The following NCKAP5 variants were observed in gnomAD, a reference collection of about 807,000 sequenced individuals.
NCKAP5 encodes NCK associated protein 5.
In NCKAP5, 92 loss-of-function variants were observed where a neutral mutation model predicts 167.0. That is an observed-to-expected ratio of 0.55 (90% confidence interval 0.47 to 0.66). The LOEUF is 0.66. Among genes scored for constraint, NCKAP5 ranks in the 30% least tolerant of loss-of-function variants. The pLI is 0.00. For missense variants in NCKAP5, 2,378 were observed against 2,315.0 expected (o/e 1.03, Z -0.56); for synonymous variants, 891 against 877.4 (o/e 1.02, Z -0.27).
At chr2:132,686,269 G>C (rs1451977113) in intron 19 of NCKAP5, among the ~76,000 whole-genome samples, 1 of 152,196 alleles carries the variant, frequency 6.6e-6, no homozygotes, top group Non-Finnish European at 1.5e-5. Flanking sequence ...CAGAAAGGTG[G>C]TTAGGGTTTC....
intron 7 of NCKAP5, among the ~76,000 whole-genome samples, chr2:132,975,062 A>G (rs1412675181): frequency 2.0e-5 from 3 of 152,222 alleles, no homozygotes; most frequent in South Asian, 2.1e-4. Context: ...CCATAACAAC[A>G]TTCCCAGGGA....
At chr2:133,011,209 C>CCT (rs1023571033) in intron 6 of NCKAP5, among the ~76,000 whole-genome samples, 1 of 151,764 alleles carries the variant, frequency 6.6e-6, no homozygotes, top group African/African-American at 2.4e-5. Flanking sequence ...AGTTTTTCCC[C>CCT]CCATCTCACT....
At chr2:132,773,762 G>A (rs1490114209) in intron 16 of NCKAP5, 54 bp downstream of exon 16, 1 of 1,351,708 alleles carries the variant, frequency 7.4e-7, no homozygotes, top group Non-Finnish European at 1.0e-6. Context: ...TCTGGAAGAA[G>A]GATACATTTA....
intron 3 of NCKAP5, among the ~76,000 whole-genome samples, chr2:133,360,771 G>A (rs979796561): frequency 4.6e-5 from 7 of 151,982 alleles, no homozygotes; most frequent in Non-Finnish European, 8.8e-5. Flanking sequence ...AACAATGAAT[G>A]ATCATTTAGG....
intron 2 of NCKAP5, among the ~76,000 whole-genome samples, chr2:133,540,940 A>C (rs1686177487): frequency 6.6e-6 from 1 of 150,730 alleles, no homozygotes; most frequent in Non-Finnish European, 1.5e-5. Context: ...TCTCAAAAAA[A>C]AAAAAAAAAA....
chr2:133,655,930 A>T, the NCKAP5 span, among the ~76,000 whole-genome samples: 1 of 152,214 alleles, frequency 6.6e-6, no homozygotes, highest in African/African-American at 2.4e-5. Context: ...AGAGTTCAGC[A>T]GCCAAAAGTA....
chr2:133,273,434 C>A (rs985096492), intron 4 of NCKAP5, among the ~76,000 whole-genome samples: 2 of 151,504 alleles, frequency 1.3e-5, no homozygotes, highest in African/African-American at 2.4e-5. Context: ...CCAATCTTCA[C>A]AAAACTTGAA....
intron 3 of NCKAP5, among the ~76,000 whole-genome samples, chr2:133,304,681 A>T (rs961525236): frequency 7.2e-5 from 11 of 152,228 alleles, no homozygotes; most frequent in Non-Finnish European, 2.9e-5. Flanking sequence ...AAATGTACAG[A>T]TCTTAAAGTT....
At position 133,226,885 on chromosome 2, in the gene NCKAP5, C is replaced by T. The variant is rs147390748; in HGVS notation, c.144-13106G>A. 3.3e-5 allele frequency among the ~76,000 whole-genome samples: 5 copies of T among 152,240 alleles called. No homozygotes were observed. In the East Asian group the frequency reaches 9.7e-4, roughly 29 times the overall value. ...AGCAGCTCTGACAAACTAATACATC[C>T]AGATATATTTTAATATAAAATCTAT... On this transcript the variant is annotated intron_variant, in intron 4 of 19. Coordinates refer to ENST00000409261, the MANE Select transcript of NCKAP5 (RefSeq NM_207363.3).
chr2:133,505,639 G>A (rs1682937039), intron 3 of NCKAP5, among the ~76,000 whole-genome samples: 1 of 152,170 alleles, frequency 6.6e-6, no homozygotes, highest in South Asian at 2.1e-4. Context: ...GAAGGCAGGT[G>A]ACATGGCCAA....
intron 6 of NCKAP5, among the ~76,000 whole-genome samples, chr2:133,021,117 A>G (rs1012626689): frequency 6.6e-6 from 1 of 152,238 alleles, no homozygotes; most frequent in African/African-American, 2.4e-5. Context: ...GGGGAAACAG[A>G]TTATTTAGCC....
At chr2:133,002,967 T>TG (rs2077838258) in intron 6 of NCKAP5, among the ~76,000 whole-genome samples, 2 of 152,194 alleles carry the variant, frequency 1.3e-5, no homozygotes, top group Admixed American at 1.3e-4. Flanking sequence ...GGCTATGTCT[T>TG]CACATGCAGC....
intron 4 of NCKAP5, among the ~76,000 whole-genome samples, chr2:133,299,443 A>G (rs1444460373): frequency 6.6e-6 from 1 of 152,062 alleles, no homozygotes; most frequent in South Asian, 2.1e-4. Context: ...CCATGCCGCA[A>G]GGAGATGAAA....
At position 133,080,441 on chromosome 2, in the gene NCKAP5, A is replaced by T. The variant is rs148791694; in HGVS notation, c.341+49537T>A. 2.4e-3 allele frequency among the ~76,000 whole-genome samples: 369 copies of T among 152,218 alleles called. 2 individuals are homozygous for T. Among genetic ancestry groups the T allele is most frequent in the African/African-American group, 8.8e-3 (364 of 41,536 alleles). On this transcript the variant is annotated intron_variant, in intron 6 of 19. Coordinates refer to ENST00000409261, the MANE Select transcript of NCKAP5 (RefSeq NM_207363.3). ...CTTTATTTAAATTGGGGACTGGTAA[A>T]ATGTCACCTACTGTCTGTTTTGTAA...
the NCKAP5 span, among the ~76,000 whole-genome samples, chr2:133,589,881 G>C: frequency 1.3e-5 from 2 of 152,240 alleles, no homozygotes; most frequent in Non-Finnish European, 2.9e-5. Context: ...AACACAAACT[G>C]ATGTAATATC....
intron 19 of NCKAP5, among the ~76,000 whole-genome samples, chr2:132,715,487 A>T: frequency 6.6e-6 from 1 of 151,984 alleles, no homozygotes. Flanking sequence ...CATTTTTTTC[A>T]TCTAATTGCA....
intron 6 of NCKAP5, among the ~76,000 whole-genome samples, chr2:133,021,369 G>C (rs2078521887): frequency 6.6e-6 from 1 of 152,154 alleles, no homozygotes; most frequent in South Asian, 2.1e-4. Context: ...TCCTTAGCAG[G>C]GGGAGTGGAA....
chr2:132,953,703 G>GA (rs34268055), intron 8 of NCKAP5, among the ~76,000 whole-genome samples: 10 of 147,244 alleles, frequency 6.8e-5, no homozygotes, highest in East Asian at 2.0e-4. Context: ...CACAGAAGGG[G>GA]AAAAAAAAAA....
At chr2:132,715,128 G>T (rs1689242393) in intron 19 of NCKAP5, among the ~76,000 whole-genome samples, 1 of 152,172 alleles carries the variant, frequency 6.6e-6, no homozygotes, top group African/African-American at 2.4e-5. Context: ...AAAAGTCAGA[G>T]AAAAAGCAAT....
Sources: allele counts gnomAD v4.1 joint callset (sites outside exome capture counted in the v4.1 genomes callset), GRCh38; gene constraint gnomAD v4.1.1; transcripts MANE v1.5; gene names NCBI Gene and HGNC (gene_info 2026-07-23, HGNC 2026-07-21).